CFAP46: variants seen among roughly 807,000 people sequenced by gnomAD.
CFAP46 encodes the protein cilia- and flagella-associated protein 46.
A neutral mutation model predicts 325.7 loss-of-function variants in CFAP46; 245 were observed. The ratio of observed to expected loss-of-function variants is 0.75; its 90% CI spans 0.68 to 0.84. CFAP46 has a LOEUF of 0.84. Ranked by LOEUF, CFAP46 falls within the 40% of genes least tolerant of loss-of-function variation. CFAP46 has a pLI of 0.00. For missense variants in CFAP46, 3,346 were observed against 3,543.0 expected, an observed-to-expected ratio of 0.94 and a Z score of 1.41; for synonymous variants, 1,523 against 1,495.9, an observed-to-expected ratio of 1.02 and a Z score of -0.42.
intron 31 of CFAP46, 32 bp from the exon 32 acceptor site, chr10:132,872,856 A>T: frequency 6.5e-7 from 1 of 1,550,312 alleles, no homozygotes. Flanking sequence ...ACAGGAGGTC[A>T]CAGGAGCGGG....
intron 24 of CFAP46, among the ~76,000 whole-genome samples, chr10:132,895,913 C>T (rs12783316): frequency 0.16 from 11,293 of 72,400 alleles, 1,454 homozygotes; most frequent in Non-Finnish European, 0.19. Flanking sequence ...CATGAAGACA[C>T]GGTGAGAAGG....
At chr10:132,888,656 A>ACC (rs1339018743) in intron 25 of CFAP46, among the ~76,000 whole-genome samples, 1 of 17,794 alleles carries the variant, frequency 5.6e-5, no homozygotes, top group Non-Finnish European at 1.1e-4. Context: ...TGCCGCCTGC[A>ACC]CCTGCCACCT....
intron 10 of CFAP46, 62 bp downstream of exon 10, chr10:132,926,506 G>C (rs1486495669): frequency 8.2e-7 from 1 of 1,226,098 alleles, no homozygotes; most frequent in East Asian, 2.5e-5. Context: ...CACTCAACTT[G>C]CACCAAGCTC....
chr10:132,814,863 A>G lies in CFAP46; in HGVS notation c.7169T>C (p.Leu2390Pro). 1 of 1,614,142 alleles carries G rather than the reference A, an allele frequency of 6.2e-7. No individual in the cohort carries two copies. The highest frequency in any genetic ancestry group is 8.5e-7 in the Non-Finnish European group (1 of 1,180,016). ...ACCCACCTTCCTGCCCTTCTTCGCT[A>G]GGCTTCTCTTTTTGGGGTCTCTGCT... ...GRSRDPKKRSLAKKGRKGSIP... is the reference protein window; with the variant it reads ...GRSRDPKKRSPAKKGRKGSIP... The change falls in exon 51 of 58, where the codon CTA becomes CCA. Residue 2390 changes from leucine (L) to proline (P), a missense_variant. Physicochemically the swap from Leu to Pro is moderately conservative, Grantham distance 98. Coordinates refer to ENST00000368586, the MANE Select transcript of CFAP46 (RefSeq NM_001200049.3).
intron 55 of CFAP46, 70 bp from the exon 56 acceptor site, chr10:132,811,101 G>T: frequency 1.5e-6 from 2 of 1,353,112 alleles, no homozygotes; most frequent in Non-Finnish European, 2.0e-6. Flanking sequence ...GTGTGGGCAG[G>T]TGGGGCCTGT....
chr10:132,821,006 G>A (rs1461422210), intron 50 of CFAP46, among the ~76,000 whole-genome samples: 1 of 138,350 alleles, frequency 7.2e-6, no homozygotes, highest in Non-Finnish European at 1.5e-5. Context: ...GCTGATGTGT[G>A]CTGTGTGTGC....
rs1289233232 is a variant in CFAP46 at position 132,867,430 on chromosome 10, T to C, written c.4688A>G (p.Glu1563Gly). The change falls in exon 34 of 58, where the codon GAG becomes GGG. Residue 1563 changes from glutamate (E) to glycine (G), a missense_variant. Transcript: ENST00000368586. ...CCCAGGCTGGACAGGAAGTGTCTGC[T>C]CATTCAGTGCTGGCAGGCTTTCTTC... is the stretch of plus-strand genomic sequence containing the variant. ...LLEESLPALN[E>G]QTLPVQPGEI... 1.9e-6 allele frequency: 3 copies of C among 1,550,608 alleles called. No homozygotes were observed. Among genetic ancestry groups the C allele is most frequent in the Non-Finnish European group, 8.7e-7 (1 of 1,147,006 alleles).
At chr10:132,926,490 G>A in intron 10 of CFAP46, 78 bp downstream of exon 10, 1 of 1,055,624 alleles carries the variant, frequency 9.5e-7, no homozygotes, top group Non-Finnish European at 1.4e-6. Context: ...CCTCAAGCCT[G>A]GGACACACTC....
rs1453929704 is a variant in CFAP46, at chr10:132,810,477, A to G, written c.7596T>C (p.Arg2532=). ...CACTGTTTCTCCAATTGGCTTCCCA[A>G]CGGCCAACAGATCTAGGGGAGAAAC... The part of the protein sequence containing the change: ...ESVEHRRSVG[R]WEANWRNSAS... The change falls in exon 57 of 58, where the codon CGT becomes CGC. Residue 2532 remains arginine (R), a synonymous_variant. Transcript: ENST00000368586. 6.2e-7 allele frequency: 1 copy of G among 1,613,412 alleles called. No homozygotes were observed. Among genetic ancestry groups the G allele is most frequent in the African/African-American group, 1.3e-5 (1 of 74,924 alleles).
At chr10:132,935,322 C>G (rs1339975213) in intron 7 of CFAP46, among the ~76,000 whole-genome samples, 1 of 138,794 alleles carries the variant, frequency 7.2e-6, no homozygotes, top group Non-Finnish European at 1.6e-5. Context: ...TCTTCTCATT[C>G]CCCTCAGCAC....
rs1159789720 is a variant in CFAP46, at chr10:132,850,326, C to G, written c.5870G>C (p.Gly1957Ala). The change falls in exon 41 of 58, where the codon GGC becomes GCC. Residue 1957 changes from glycine to alanine, a missense_variant. Transcript: ENST00000368586. ...GCVEIRARLLGLAGRALHLLA... is the reference protein window; with the variant it reads ...GCVEIRARLLALAGRALHLLA... ...CAGGTGCAGGGCCCTCCCGGCCAGG[C>G]CCAGGAGCCGGGCGCGGATCTCCAC... The G allele has an allele frequency of 6.4e-7, 1 of 1,552,654 alleles. No homozygotes were observed. The highest frequency in any genetic ancestry group is 1.4e-5 in the African/African-American group (1 of 73,296).
At chr10:132,861,344 G>A (rs1281478548) in intron 35 of CFAP46, among the ~76,000 whole-genome samples, 5 of 152,218 alleles carry the variant, frequency 3.3e-5, no homozygotes, top group African/African-American at 1.2e-4. Context: ...AGTGGAATCG[G>A]CGTTCAGGGA....
chr10:132,820,706 G>T (rs1847782555), intron 50 of CFAP46, among the ~76,000 whole-genome samples: 1 of 94,442 alleles, frequency 1.1e-5, no homozygotes, highest in African/African-American at 3.3e-5. Flanking sequence ...GATGTGTGCT[G>T]TGTGTGCGCT....
intron 8 of CFAP46, among the ~76,000 whole-genome samples, chr10:132,931,023 A>G (rs1309760985): frequency 1.6e-4 from 13 of 80,788 alleles, no homozygotes; most frequent in South Asian, 5.7e-4. Flanking sequence ...TCCACAAACA[A>G]AACCTGGGCC....
At chr10:132,920,295 G>A (rs542741706) in intron 13 of CFAP46, 113 bp from the exon 14 acceptor site, 28 of 1,298,512 alleles carry the variant, frequency 2.2e-5, no homozygotes, top group South Asian at 6.4e-5. Flanking sequence ...CACAGGTAGC[G>A]GCTCCAGGGG....
At chr10:132,874,017 C>T (rs1262602996) in intron 31 of CFAP46, among the ~76,000 whole-genome samples, 2 of 152,160 alleles carry the variant, frequency 1.3e-5, no homozygotes, top group African/African-American at 4.8e-5. Context: ...CAAACAGAAG[C>T]TCTGGGCTCA....
rs927176160 is a variant in CFAP46 at position 132,828,015 on chromosome 10, C to A, written c.7117+5343G>T. 6.6e-6 allele frequency among the ~76,000 whole-genome samples: 1 copy of A among 151,940 alleles called. No individual in the cohort carries two copies. The highest frequency in any genetic ancestry group is 2.4e-5 in the African/African-American group (1 of 41,184). On this transcript the variant is annotated intron_variant, in intron 50 of 57. Transcript: ENST00000368586. This position sits in a 1 kb window ranked among gnomAD's most constrained non-coding sequence, Gnocchi z 4.9. ...GCCCCGTCTACGCTGTCCCACGCAC[C>A]AACAGCTCGCCCCTCATTGCCGGGC...
rs1449980384 is a variant in CFAP46, at chr10:132,880,959, G to A, written c.3701C>T (p.Pro1234Leu). The A allele has an allele frequency of 1.3e-6, 2 of 1,550,430 alleles. No homozygotes were observed. The highest frequency in any genetic ancestry group is 2.7e-5 in the African/African-American group (2 of 73,048). Residue 1234 changes from proline to leucine, a missense_variant, in exon 28 of 58, where the codon CCT becomes CTT. Pro to Leu is a moderately conservative substitution (Grantham distance 98, BLOSUM62 -3). Transcript: ENST00000368586. ...FGQWLHHRHFPLEDVVFHLRW... is the reference protein window; with the variant it reads ...FGQWLHHRHFLLEDVVFHLRW... ...GAGGTGGAAGACCACGTCCTCGAGA[G>A]GAAAGTGTCTGTGATGGAGCCACTG...
rs927493941 is a variant in CFAP46 at position 132,893,965 on chromosome 10, C to G, written c.3220-1548G>C. Among the ~76,000 whole-genome samples the G allele has an allele frequency of 2.0e-5, 3 of 151,598 alleles. No homozygotes were observed. In the South Asian group the frequency reaches 6.3e-4, roughly 32 times the overall value. ...ACACACTTTGAGGTTGCTGCAGCCC[C>G]CTGTGGGTTCACTGCTGGTAACACA... On this transcript the variant is annotated intron_variant, in intron 24 of 57. Coordinates refer to ENST00000368586, the MANE Select transcript of CFAP46 (RefSeq NM_001200049.3).
Sources: allele counts gnomAD v4.1 joint callset (sites outside exome capture counted in the v4.1 genomes callset), GRCh38; gene constraint gnomAD v4.1.1; non-coding constraint Gnocchi (gnomAD v3.1); transcripts MANE v1.5; gene names NCBI Gene and HGNC (gene_info 2026-07-23, HGNC 2026-07-21).